The following TBC1D5 variants were observed in gnomAD, a reference collection of about 807,000 sequenced individuals.
TBC1D5 encodes TBC1 domain family, member 5.
Under a neutral mutation model 100.3 loss-of-function variants are expected in TBC1D5, and 75 were observed. That is an observed-to-expected ratio of 0.75 (90% confidence interval 0.62 to 0.91). TBC1D5 has a LOEUF of 0.91. Ranked by LOEUF, TBC1D5 falls within the 40% of genes least tolerant of loss-of-function variation. The probability of loss-of-function intolerance (pLI) is 0.00; values close to 1 mark genes in which losing one functional copy is unlikely to be tolerated. For synonymous variants in TBC1D5, 323 were observed against 325.6 expected, an observed-to-expected ratio of 0.99 and a Z score of 0.09; for missense variants, 910 against 942.4, an observed-to-expected ratio of 0.97 and a Z score of 0.45.
chr3:17,243,883 T>C (rs1159936092), intron 16 of TBC1D5, among the ~76,000 whole-genome samples: 1 of 152,166 alleles, frequency 6.6e-6, no homozygotes, highest in Non-Finnish European at 1.5e-5. Flanking sequence ...CAATCAGCTT[T>C]GGTAATGCAT....
At chr3:17,436,056 C>T (rs2094529991) in intron 3 of TBC1D5, among the ~76,000 whole-genome samples, 1 of 152,182 alleles carries the variant, frequency 6.6e-6, no homozygotes. Flanking sequence ...AACAAATACA[C>T]TGTCCATGAT....
chr3:17,285,163 A>T (rs1031469993), intron 15 of TBC1D5, among the ~76,000 whole-genome samples: 2 of 151,426 alleles, frequency 1.3e-5, no homozygotes, highest in Non-Finnish European at 2.9e-5. Context: ...ATCTGAATAG[A>T]CCGTCTGCTG....
At chr3:17,509,639 C>A (rs2095880006) in intron 2 of TBC1D5, among the ~76,000 whole-genome samples, 1 of 151,918 alleles carries the variant, frequency 6.6e-6, no homozygotes, top group Non-Finnish European at 1.5e-5. Flanking sequence ...TTCATGATAT[C>A]TAAACATGCT....
intron 18 of TBC1D5, among the ~76,000 whole-genome samples, chr3:17,207,764 A>C (rs189242366): frequency 3.7e-4 from 56 of 152,332 alleles, no homozygotes; most frequent in Admixed American, 3.7e-3. Context: ...ATAGATTTTG[A>C]CAATAATTTC....
intron 2 of TBC1D5, among the ~76,000 whole-genome samples, chr3:17,541,192 C>G (rs976035761): frequency 4.3e-5 from 6 of 140,778 alleles, no homozygotes; most frequent in Non-Finnish European, 9.0e-5. Flanking sequence ...TTTTCTATTT[C>G]TTCCAAAAAA....
chr3:17,615,898 T>C (rs1413071478), intron 2 of TBC1D5, among the ~76,000 whole-genome samples: 1 of 152,234 alleles, frequency 6.6e-6, no homozygotes, highest in African/African-American at 2.4e-5. Flanking sequence ...TCAGTTCTTC[T>C]CTGATCTTAG....
intron 17 of TBC1D5, chr3:17,233,695 A>T: frequency 6.5e-7 from 1 of 1,536,612 alleles, no homozygotes; most frequent in Non-Finnish European, 8.8e-7. Flanking sequence ...CTTGGAGGTC[A>T]GTTAGAGTCT....
At chr3:17,348,252 A>G (rs1029202529) in intron 13 of TBC1D5, among the ~76,000 whole-genome samples, 2 of 152,236 alleles carry the variant, frequency 1.3e-5, no homozygotes, top group Non-Finnish European at 2.9e-5. Flanking sequence ...TTCTTCATGT[A>G]AAAGTACAAC....
intron 1 of TBC1D5, among the ~76,000 whole-genome samples, chr3:17,664,126 G>A (rs576769671): frequency 7.9e-5 from 12 of 152,188 alleles, no homozygotes; most frequent in Non-Finnish European, 1.5e-4. Flanking sequence ...CTGGAGTGCC[G>A]TGGCATGATC....
chr3:17,395,337 T>C (rs960261332), intron 8 of TBC1D5, among the ~76,000 whole-genome samples: 4 of 152,082 alleles, frequency 2.6e-5, no homozygotes, highest in Non-Finnish European at 5.9e-5. Context: ...ATACACTGTA[T>C]ATGTACTTTC....
At chr3:17,554,564 T>A (rs756877087) in intron 2 of TBC1D5, among the ~76,000 whole-genome samples, 3 of 152,240 alleles carry the variant, frequency 2.0e-5, no homozygotes, top group Admixed American at 6.5e-5. Flanking sequence ...TCTTATGTTA[T>A]GCTCAGGAAC....
At chr3:17,662,007 C>CA (rs1474936339) in intron 1 of TBC1D5, among the ~76,000 whole-genome samples, 1 of 152,128 alleles carries the variant, frequency 6.6e-6, no homozygotes, top group Non-Finnish European at 1.5e-5. Context: ...CCTCCCATCT[C>CA]AGCCTCCCAA....
At chr3:17,433,765 T>C (rs2094486076) in intron 3 of TBC1D5, among the ~76,000 whole-genome samples, 1 of 152,150 alleles carries the variant, frequency 6.6e-6, no homozygotes, top group Admixed American at 6.5e-5. Context: ...CAAGGTCTTA[T>C]CTGAGAAAGG....
At chr3:17,161,189 T>A (rs1231745677) in exon 22 of TBC1D5, 1 of 1,614,096 alleles carries the variant, frequency 6.2e-7, no homozygotes, top group Non-Finnish European at 8.5e-7. Flanking sequence ...CCCATCATCA[T>A]CTTTGGAAAT....
intron 2 of TBC1D5, among the ~76,000 whole-genome samples, chr3:17,603,849 T>C (rs2061163473): frequency 6.6e-6 from 1 of 152,242 alleles, no homozygotes; most frequent in African/African-American, 2.4e-5. Flanking sequence ...TTTACCATGT[T>C]GGCCAGGCTG....
intron 3 of TBC1D5, among the ~76,000 whole-genome samples, chr3:17,494,479 G>A (rs569884130): frequency 2.6e-5 from 4 of 152,302 alleles, no homozygotes; most frequent in Admixed American, 2.6e-4. Flanking sequence ...TCCTCGTCTG[G>A]ACTGCCCAGA....
At chr3:17,477,825 C>T (rs1241878247) in intron 3 of TBC1D5, among the ~76,000 whole-genome samples, 1 of 152,008 alleles carries the variant, frequency 6.6e-6, no homozygotes, top group Non-Finnish European at 1.5e-5. Flanking sequence ...TTATATTTTA[C>T]TGAACTGAAC....
intron 15 of TBC1D5, among the ~76,000 whole-genome samples, chr3:17,277,271 T>C (rs2080118808): frequency 6.6e-6 from 1 of 152,202 alleles, no homozygotes; most frequent in African/African-American, 2.4e-5. Flanking sequence ...CATGCTCTTT[T>C]CTTCTCACCT....
upstream of TBC1D5, chr3:17,741,005 T>C (rs1476646604): frequency 1.3e-5 from 2 of 152,206 alleles, no homozygotes; most frequent in Admixed American, 6.5e-5. Flanking sequence ...CAGTTCATCC[T>C]GCCATTTGCC....
Sources: allele counts gnomAD v4.1 joint callset (sites outside exome capture counted in the v4.1 genomes callset), GRCh38; gene constraint gnomAD v4.1.1; transcripts MANE v1.5; gene names NCBI Gene and HGNC (gene_info 2026-07-23, HGNC 2026-07-21).